Variants in MPP1 observed in about 807,000 individuals in gnomAD.
MPP1 encodes the protein 55 kDa erythrocyte membrane protein.
Under a neutral mutation model 38.2 loss-of-function variants are expected in MPP1, and 6 were observed. The observed-to-expected ratio is 0.16, with a 90% CI of 0.09 to 0.31. The LOEUF is 0.31. Among genes scored for constraint, MPP1 ranks in the 10% least tolerant of loss-of-function variants. MPP1 has a pLI of 1.00. For missense variants in MPP1, 293 were observed against 368.9 expected (o/e 0.79, Z 1.69); for synonymous variants, 153 against 146.3 (o/e 1.05, Z -0.33).
intron 5 of MPP1, among the ~76,000 whole-genome samples, chrX:154,787,437 C>T (rs1403628496): frequency 9.0e-6 from 1 of 111,550 alleles, no homozygotes; most frequent in Non-Finnish European, 1.9e-5. Context: ...GCAATAAATT[C>T]ACCACGTTAA....
At chrX:154,791,918 C>T (rs113285457) in intron 2 of MPP1, 71 bp from the exon 3 acceptor site, 49 of 1,054,150 alleles carry the variant, frequency 4.6e-5, no homozygotes, top group African/African-American at 1.8e-4. Flanking sequence ...AAAGAACTTA[C>T]GGTAATTTCT....
chrX:154,781,432 C>T, intron 10 of MPP1, 119 bp from the exon 11 acceptor site: 1 of 788,191 alleles, frequency 1.3e-6, no homozygotes. Flanking sequence ...TTGAGCTTTA[C>T]CCCAATACAA....
At position 154,781,289 on chromosome X, in the gene MPP1, C is replaced by G. The variant is rs782353463; in HGVS notation, c.1174G>C (p.Glu392Gln). 4.2e-6 allele frequency: 5 copies of G among 1,202,101 alleles called. No homozygotes were observed. Among genetic ancestry groups the G allele is most frequent in the Non-Finnish European group, 5.6e-6 (5 of 892,002 alleles). Residue 392 changes from glutamate to glutamine, a missense_variant, in exon 11 of 12, where the codon GAA becomes CAA. Transcript: ENST00000369534. ...ATGAACACAATGAAAGGCGAAAGTT[C>G]TGCTGTCCGAACAATTTTCAGGGTC... ...PQTLKIVRTA[E>Q]LSPFIVFIAP... is the part of the protein sequence containing the mutation.
At chrX:154,789,467 G>A (rs1204192790) in intron 5 of MPP1, among the ~76,000 whole-genome samples, 1 of 112,113 alleles carries the variant, frequency 8.9e-6, no homozygotes, top group Non-Finnish European at 1.9e-5. Flanking sequence ...CTTTATTATT[G>A]CTATTTTAAA....
Position 154,781,583 on chromosome X carries a change from C to T in MPP1, c.1149+17G>A. On this transcript the variant is annotated intron_variant, in intron 10 of 11. Coordinates refer to ENST00000369534, the MANE Select transcript of MPP1 (RefSeq NM_002436.4). Reference sequence around the variant, plus strand: ...GTGGCTGAGCCCATCTGTCCCTGCCCTTCCATGCCTACCCACCTGGGGCTC... The same window carrying T: ...GTGGCTGAGCCCATCTGTCCCTGCCTTTCCATGCCTACCCACCTGGGGCTC... 1 of 1,206,325 alleles carries T rather than the reference C, an allele frequency of 8.3e-7. No homozygotes were observed. The highest frequency in any genetic ancestry group is 1.1e-6 in the Non-Finnish European group (1 of 891,732).
chrX:154,779,492 G>T, intron 11 of MPP1, 139 bp from the exon 12 acceptor site: 2 of 562,641 alleles, frequency 3.6e-6, no homozygotes, highest in Non-Finnish European at 5.5e-6. Flanking sequence ...AAGACATTGT[G>T]AAAGAATGTT....
intron 6 of MPP1, 34 bp downstream of exon 6, chrX:154,786,170 A>G (rs1167478773): frequency 3.5e-6 from 4 of 1,154,947 alleles, no homozygotes; most frequent in Non-Finnish European, 3.5e-6. Flanking sequence ...TGTGGCAGGC[A>G]CATGGCCCTT....
chrX:154,783,874 C>T (rs1348085036), intron 8 of MPP1, 154 bp downstream of exon 8: 20 of 471,806 alleles, frequency 4.2e-5, no homozygotes, highest in South Asian at 6.8e-5. Flanking sequence ...GTGGGGTGCA[C>T]GTGAGGATTC....
At chrX:154,786,052 G>A in intron 6 of MPP1, 152 bp downstream of exon 6, 3 of 543,317 alleles carry the variant, frequency 5.5e-6, no homozygotes, top group South Asian at 6.9e-5. Context: ...GCTTATCAAC[G>A]CATGGTTAAC....
chrX:154,780,214 C>G (rs1557266438), intron 11 of MPP1, among the ~76,000 whole-genome samples: 1 of 112,660 alleles, frequency 8.9e-6, no homozygotes, highest in Non-Finnish European at 1.9e-5. Flanking sequence ...TAAAACCAAG[C>G]AGCCATGAAA....
chrX:154,781,327 A>T lies in MPP1; in HGVS notation c.1150-14T>A. 8.8e-7 allele frequency: 1 copy of T among 1,138,326 alleles called. No homozygotes were observed. Among genetic ancestry groups the T allele is most frequent in the Non-Finnish European group, 1.2e-6 (1 of 847,294 alleles). The allele number at this position is 1,138,326 out of a possible 1,213,427, so 93.8% of individuals were successfully genotyped here. A position where few individuals can be genotyped will look rare whatever the true frequency, so the allele number is the denominator to read the frequency against. Reference sequence around the variant, plus strand: ...AATTTTCAGGGTCTAGAAAAAAAAAAGAAGGGCGGCGGGGAGGGGGGGGAA... The same window carrying T: ...AATTTTCAGGGTCTAGAAAAAAAAATGAAGGGCGGCGGGGAGGGGGGGGAA... On this transcript the variant is annotated splice_polypyrimidine_tract_variant and intron_variant, in intron 10 of 11. Transcript: ENST00000369534.
chrX:154,799,729 G>A (rs781801664), intron 1 of MPP1: 1 of 1,148,591 alleles, frequency 8.7e-7, no homozygotes, highest in Non-Finnish European at 1.2e-6. Flanking sequence ...GGAGGAGCCA[G>A]GGAATAAACA....
chrX:154,788,564 A>T (rs1557267454), intron 5 of MPP1, among the ~76,000 whole-genome samples: 1 of 112,084 alleles, frequency 8.9e-6, no homozygotes. Flanking sequence ...TGGGGATGTA[A>T]CATGGTTCAC....
Position 154,781,813 on chromosome X carries a change from G to A in MPP1, c.947-11C>T. On this transcript the variant is annotated splice_polypyrimidine_tract_variant and intron_variant, in intron 9 of 11. Transcript: ENST00000369534. ...GCGGCCGTGTTGTATCTGTGTACAA[G>A]AACCCAAATCCCCGACAAACTCCAG... 8.3e-7 allele frequency: 1 copy of A among 1,204,365 alleles called. No individual in the cohort carries two copies. The highest frequency in any genetic ancestry group is 1.1e-6 in the Non-Finnish European group (1 of 889,629).
At chrX:154,790,852 G>A in intron 4 of MPP1, 131 bp downstream of exon 4, 1 of 532,245 alleles carries the variant, frequency 1.9e-6, no homozygotes, top group Admixed American at 3.4e-5. Context: ...ACAGATTAAA[G>A]ACTAGCAGTG....
intron 1 of MPP1, among the ~76,000 whole-genome samples, chrX:154,798,546 T>G (rs1557268342): frequency 8.9e-6 from 1 of 111,890 alleles, no homozygotes; most frequent in African/African-American, 3.3e-5. Context: ...ATTCCACTTA[T>G]ATAACATTCC....
At chrX:154,793,680 T>G in intron 1 of MPP1, among the ~76,000 whole-genome samples, 1 of 112,119 alleles carries the variant, frequency 8.9e-6, no homozygotes, top group Non-Finnish European at 1.9e-5. Context: ...TAAAATTTAA[T>G]TTTTGAACCA....
intron 8 of MPP1, 197 bp from the exon 9 acceptor site, chrX:154,783,704 A>G (rs1557266894): frequency 6.4e-5 from 28 of 435,589 alleles, no homozygotes; most frequent in South Asian, 2.1e-4. Flanking sequence ...GTTTGAAGCA[A>G]GGACTTACTC....
chrX:154,797,506 C>T (rs921022442), intron 1 of MPP1, among the ~76,000 whole-genome samples: 1 of 111,603 alleles, frequency 9.0e-6, no homozygotes, highest in East Asian at 2.8e-4. Context: ...GAAACAGACC[C>T]ACAGAGATAT....
Sources: allele counts gnomAD v4.1 joint callset (sites outside exome capture counted in the v4.1 genomes callset), GRCh38; gene constraint gnomAD v4.1.1; transcripts MANE v1.5; gene names NCBI Gene and HGNC (gene_info 2026-07-23, HGNC 2026-07-21).